MAJIN: variants seen among roughly 807,000 people sequenced by gnomAD.
The protein encoded by MAJIN is membrane anchored junction protein.
Under a neutral mutation model 30.2 loss-of-function variants are expected in MAJIN, and 27 were observed. The ratio of observed to expected loss-of-function variants is 0.89; its 90% CI spans 0.66 to 1.23. The LOEUF (loss-of-function observed/expected upper bound fraction) is 1.23, where lower values mean the gene tolerates loss of function less well. Among genes scored for constraint, MAJIN ranks in the 50% most tolerant of loss-of-function variants. The probability of loss-of-function intolerance (pLI) is 0.00; values close to 1 mark genes in which losing one functional copy is unlikely to be tolerated. For synonymous variants in MAJIN, 78 were observed against 91.6 expected, an observed-to-expected ratio of 0.85 and a Z score of 0.85; for missense variants, 253 against 260.3, an observed-to-expected ratio of 0.97 and a Z score of 0.19.
Position 64,940,591 on chromosome 11 carries a change from G to A in MAJIN, c.529C>T (p.Leu177=), listed in dbSNP as rs138728143. 162 of 1,613,842 alleles carry A rather than the reference G, an allele frequency of 1.0e-4. No homozygotes were observed. The highest frequency in any genetic ancestry group is 1.2e-4 in the Non-Finnish European group (144 of 1,179,870). ...DCRRLWPLIS[L]MSRNKILSGD... is the part of the protein sequence containing the mutation. ...GGACCTACCTTGTTTCTGGACATCAGTGATATCAGAGGCCAGAGTCTCCTG... is the reference window on the plus strand; with the variant it reads ...GGACCTACCTTGTTTCTGGACATCAATGATATCAGAGGCCAGAGTCTCCTG... The change falls in exon 9 of 11, where the codon CTG becomes TTG. Residue 177 remains leucine, a synonymous_variant. Transcript: ENST00000301896.
At chr11:64,963,265 C>T (rs552493530) in intron 1 of MAJIN, among the ~76,000 whole-genome samples, 2 of 152,270 alleles carry the variant, frequency 1.3e-5, no homozygotes, top group Admixed American at 6.5e-5. Context: ...AGAACTTTTC[C>T]TTGAAAATAC....
intron 8 of MAJIN, among the ~76,000 whole-genome samples, chr11:64,944,960 C>A (rs1695435813): frequency 6.6e-6 from 1 of 151,990 alleles, no homozygotes; most frequent in African/African-American, 2.4e-5. Context: ...GGAAACATAC[C>A]CCATAAATGA....
At chr11:64,965,543 C>T (rs190693018) in intron 1 of MAJIN, among the ~76,000 whole-genome samples, 50 of 152,242 alleles carry the variant, frequency 3.3e-4, no homozygotes, top group Non-Finnish European at 5.9e-4. Flanking sequence ...TAATGAAAAA[C>T]GACCTTTGGC....
chr11:64,955,974 C>G (rs112560242), intron 3 of MAJIN, among the ~76,000 whole-genome samples: 6,192 of 152,254 alleles, frequency 0.041, 157 homozygotes, highest in Middle Eastern at 0.065. Flanking sequence ...CGAGACCAGC[C>G]TGGCCAACGT....
rs147450787 is a variant in MAJIN at position 64,954,802 on chromosome 11, T to C, written c.102A>G (p.Arg34=). 55 of 1,609,338 alleles carry C rather than the reference T, an allele frequency of 3.4e-5. No homozygotes were observed. Among genetic ancestry groups the C allele is most frequent in the Non-Finnish European group, 4.7e-5 (55 of 1,178,182 alleles). The change falls in exon 4 of 11, where the codon AGA becomes AGG. Residue 34 remains arginine, a splice_region_variant and synonymous_variant. Coordinates refer to ENST00000301896, the MANE Select transcript of MAJIN (RefSeq NM_001037225.3). Reference sequence around the variant, plus strand: ...CTTCCTTATTTTCTATCTCTTCTCCTCTAGAAGGTAAACAGACAAGAGACA... The same window carrying C: ...CTTCCTTATTTTCTATCTCTTCTCCCCTAGAAGGTAAACAGACAAGAGACA... ...KFKIRYGKSI[R]GEEIENKEVI...
At chr11:64,959,093 CAAAAA>C (rs34562472) in intron 3 of MAJIN, among the ~76,000 whole-genome samples, 1 of 53,582 alleles carries the variant, frequency 1.9e-5, no homozygotes, top group African/African-American at 6.8e-5. Context: ...TGCTTCTCTT[CAAAAA>C]AAAAAAAAAA....
chr11:64,966,850 C>T (rs1766442061), intron 1 of MAJIN, among the ~76,000 whole-genome samples: 1 of 149,932 alleles, frequency 6.7e-6, no homozygotes, highest in African/African-American at 2.5e-5. Flanking sequence ...AGGAGAATCA[C>T]TTGAACCCGG....
chr11:64,969,455 TA>T (rs879450150), intron 1 of MAJIN, among the ~76,000 whole-genome samples: 53 of 60,548 alleles, frequency 8.8e-4, no homozygotes, highest in Admixed American at 1.8e-3. Context: ...AAGGGTATAA[TA>T]AAAAAAAAAA....
intron 4 of MAJIN, 71 bp downstream of exon 4, chr11:64,954,686 T>G: frequency 6.8e-7 from 1 of 1,477,576 alleles, no homozygotes; most frequent in Non-Finnish European, 9.5e-7. Flanking sequence ...TTGTAGGAAA[T>G]AATTAAAACC....
At chr11:64,967,897 A>C (rs908541170) in intron 1 of MAJIN, among the ~76,000 whole-genome samples, 1 of 152,322 alleles carries the variant, frequency 6.6e-6, no homozygotes, top group African/African-American at 2.4e-5. Context: ...AATAGCATCA[A>C]GAAAATAATA....
chr11:64,947,786 A>G lies in MAJIN; in HGVS notation c.381+2T>C. 6.2e-7 allele frequency: 1 copy of G among 1,613,384 alleles called. No individual in the cohort carries two copies. On this transcript the variant is annotated splice_donor_variant, in intron 7 of 10. Coordinates refer to ENST00000301896, the MANE Select transcript of MAJIN (RefSeq NM_001037225.3). LOFTEE classifies it high-confidence loss of function. ...CATTTTGTACAGAAAAGGCAAACTT[A>G]CCAACCCAAGAGGACTGTCACTTAT... is the stretch of plus-strand genomic sequence containing the variant.
intron 1 of MAJIN, 89 bp downstream of exon 1, chr11:64,971,788 G>C (rs1036065326): frequency 3.3e-5 from 5 of 152,364 alleles, no homozygotes; most frequent in Admixed American, 3.3e-4. Context: ...CGGCGGCGGA[G>C]GGTGGAGCCC....
At chr11:64,939,806 C>G (rs780148226) in intron 9 of MAJIN, 39 bp from the exon 10 acceptor site, 1 of 1,591,480 alleles carries the variant, frequency 6.3e-7, no homozygotes, top group Non-Finnish European at 8.6e-7. Flanking sequence ...AGATGTTTGT[C>G]CATAGGCCGT....
chr11:64,953,786 T>C (rs1459276121), intron 4 of MAJIN, among the ~76,000 whole-genome samples: 1 of 152,104 alleles, frequency 6.6e-6, no homozygotes, highest in Non-Finnish European at 1.5e-5. Flanking sequence ...CGAAACTCCA[T>C]CTCAAAAAAC....
intron 3 of MAJIN, among the ~76,000 whole-genome samples, chr11:64,957,642 G>A (rs552683379): frequency 1.6e-4 from 24 of 151,352 alleles, no homozygotes; most frequent in African/African-American, 4.6e-4. Context: ...GACTTCAGGC[G>A]ATCTGCCTGA....
intron 7 of MAJIN, 52 bp from the exon 8 acceptor site, chr11:64,947,517 G>T: frequency 6.5e-7 from 1 of 1,544,206 alleles, no homozygotes. Flanking sequence ...GTTGCTCACA[G>T]TTCATGAAGG....
chr11:64,947,302 A>C (rs1161529293), intron 8 of MAJIN, 72 bp downstream of exon 8: 1 of 1,350,376 alleles, frequency 7.4e-7, no homozygotes, highest in Non-Finnish European at 1.0e-6. Context: ...CAAGGACAGG[A>C]TCAACCAACA....
At chr11:64,969,696 C>CT (rs112203085) in intron 1 of MAJIN, among the ~76,000 whole-genome samples, 7,862 of 145,258 alleles carry the variant, frequency 0.054, 220 homozygotes, top group Middle Eastern at 0.073. Flanking sequence ...AAGACTCTGT[C>CT]TTTTTTTTTT....
At chr11:64,945,322 C>T (rs576170858) in intron 8 of MAJIN, among the ~76,000 whole-genome samples, 215 of 152,180 alleles carry the variant, frequency 1.4e-3, no homozygotes, top group Admixed American at 2.2e-3. Flanking sequence ...CGCACCACTG[C>T]ACTCCAGCCT....
Sources: allele counts gnomAD v4.1 joint callset (sites outside exome capture counted in the v4.1 genomes callset), GRCh38; gene constraint gnomAD v4.1.1; transcripts MANE v1.5; gene names NCBI Gene and HGNC (gene_info 2026-07-23, HGNC 2026-07-21).